RERE: variants seen among roughly 807,000 people sequenced by gnomAD.
RERE encodes arginine-glutamic acid dipeptide repeats, also known as arginine-glutamic acid dipeptide repeats protein.
In RERE, 40 loss-of-function variants were observed where a neutral mutation model predicts 146.1. The ratio of observed to expected loss-of-function variants is 0.27; its 90% CI spans 0.21 to 0.36. RERE has a LOEUF of 0.36. Ranked by LOEUF, RERE falls within the 10% of genes least tolerant of loss-of-function variation. The pLI is 1.00. For synonymous variants in RERE, 1,003 were observed against 866.0 expected, an observed-to-expected ratio of 1.16 and a Z score of -2.78; for missense variants, 1,933 against 2,138.7, an observed-to-expected ratio of 0.90 and a Z score of 1.90.
At chr1:8,779,685 C>T (rs1264552628) in intron 1 of RERE, among the ~76,000 whole-genome samples, 1 of 151,844 alleles carries the variant, frequency 6.6e-6, no homozygotes, top group African/African-American at 2.4e-5. Context: ...AGAATGTAAG[C>T]TCCATGAGAG....
At chr1:8,774,347 ATTTTTTTT>A (rs34859762) in intron 1 of RERE, among the ~76,000 whole-genome samples, 6 of 93,178 alleles carry the variant, frequency 6.4e-5, no homozygotes, top group African/African-American at 2.4e-4. Context: ...TTGGCAAACT[ATTTTTTTT>A]TTTTTTTTTT....
chr1:8,383,796 T>A (rs1161286158), intron 12 of RERE, among the ~76,000 whole-genome samples: 1 of 151,904 alleles, frequency 6.6e-6, no homozygotes, highest in African/African-American at 2.4e-5. Flanking sequence ...GAGGTGAAGG[T>A]TGCAGTGAGC....
chr1:8,581,655 G>C (rs1646367349), intron 4 of RERE, among the ~76,000 whole-genome samples: 1 of 151,938 alleles, frequency 6.6e-6, no homozygotes, highest in South Asian at 2.1e-4. Flanking sequence ...TTTCACATAG[G>C]GATTATCCAG....
intron 1 of RERE, among the ~76,000 whole-genome samples, chr1:8,742,167 A>G (rs1640322782): frequency 6.6e-6 from 1 of 152,202 alleles, no homozygotes; most frequent in African/African-American, 2.4e-5. Flanking sequence ...ATTGCACACC[A>G]TGCTTCTATG....
chr1:8,771,649 G>T (rs562557945), intron 1 of RERE, among the ~76,000 whole-genome samples: 6 of 151,900 alleles, frequency 3.9e-5, no homozygotes, highest in Non-Finnish European at 7.4e-5. Context: ...GGTGGCTCAC[G>T]CCTGTAATCC....
chr1:8,580,672 C>T lies in RERE; in HGVS notation c.523-23149G>A, dbSNP rs1359464877. Among the ~76,000 whole-genome samples, 4 of 152,218 alleles carry T rather than the reference C, an allele frequency of 2.6e-5. No homozygotes were observed. The East Asian group carries it at 7.7e-4, about 29-fold the overall frequency. On this transcript the variant is annotated intron_variant, in intron 4 of 22. Transcript: ENST00000400908. ...AAGTTCTCTCAAGCACTTTCCCAGT[C>T]AATCCTCACCCTACCCATAGAAAAC...
intron 12 of RERE, among the ~76,000 whole-genome samples, chr1:8,395,309 A>C (rs1448785373): frequency 1.3e-5 from 2 of 151,996 alleles, no homozygotes; most frequent in Non-Finnish European, 1.5e-5. Context: ...CCCCATCTCT[A>C]CTAAAAATAT....
chr1:8,489,027 C>T (rs1024673815), intron 10 of RERE, among the ~76,000 whole-genome samples: 2 of 151,938 alleles, frequency 1.3e-5, no homozygotes, highest in Admixed American at 1.3e-4. Context: ...TTCAGCATAA[C>T]TATATATTAA....
intron 1 of RERE, among the ~76,000 whole-genome samples, chr1:8,757,919 C>CACACACACACAT (rs1553145838): frequency 0.03 from 4,469 of 150,428 alleles, 176 homozygotes; most frequent in African/African-American, 0.092. Context: ...CATACACACA[C>CACACACACACAT]ACACACACAC....
chr1:8,616,155 C>G (rs1646850546), intron 3 of RERE, among the ~76,000 whole-genome samples: 1 of 152,132 alleles, frequency 6.6e-6, no homozygotes, highest in Non-Finnish European at 1.5e-5. Context: ...ATATGACTGC[C>G]CAAACCACTC....
chr1:8,369,883 G>A (rs1641966696), intron 12 of RERE, among the ~76,000 whole-genome samples: 2 of 152,004 alleles, frequency 1.3e-5, no homozygotes, highest in African/African-American at 2.4e-5. Flanking sequence ...TCCGCCTCCC[G>A]GGTTCACGCC....
In RERE at chr1:8,551,143, T is replaced by C. The variant is rs559558688; in HGVS notation, c.725+5332A>G. ...TAGGATATTTCTTTCCCCAAGTGACTCCTCCAAATAGGAAGCAGGTAATCA... is the reference window on the plus strand; with the variant it reads ...TAGGATATTTCTTTCCCCAAGTGACCCCTCCAAATAGGAAGCAGGTAATCA... On this transcript the variant is annotated intron_variant, in intron 6 of 22. Coordinates refer to ENST00000400908, the MANE Select transcript of RERE (RefSeq NM_001042681.2). 2.6e-5 allele frequency among the ~76,000 whole-genome samples: 4 copies of C among 151,734 alleles called. No homozygotes were observed. In the East Asian group the frequency reaches 7.7e-4, roughly 29 times the overall value.
chr1:8,506,676 T>C (rs530482210), intron 8 of RERE, among the ~76,000 whole-genome samples: 9 of 152,274 alleles, frequency 5.9e-5, no homozygotes, highest in Admixed American at 3.9e-4. Flanking sequence ...GGTTTAGAAA[T>C]AGACACATGA....
intron 6 of RERE, among the ~76,000 whole-genome samples, chr1:8,553,140 C>T (rs888987453): frequency 2.6e-5 from 4 of 151,466 alleles, no homozygotes; most frequent in Non-Finnish European, 4.4e-5. Flanking sequence ...TGACACCACA[C>T]AAGTAGGCCA....
chr1:8,677,066 T>C (rs1205824990), intron 1 of RERE, among the ~76,000 whole-genome samples: 1 of 152,148 alleles, frequency 6.6e-6, no homozygotes, highest in Non-Finnish European at 1.5e-5. Flanking sequence ...CCTTTGCTCA[T>C]GCGTCCTTGC....
At chr1:8,545,830 C>G (rs1363576675) in intron 6 of RERE, among the ~76,000 whole-genome samples, 2 of 150,392 alleles carry the variant, frequency 1.3e-5, no homozygotes, top group African/African-American at 4.9e-5. Flanking sequence ...ATTACAGACG[C>G]GTGCCACCAC....
chr1:8,498,213 G>C lies in RERE; in HGVS notation c.880-684C>G, dbSNP rs1645071398. Among the ~76,000 whole-genome samples the C allele has an allele frequency of 1.3e-5, 2 of 151,694 alleles. 1 individual carries two copies. Among genetic ancestry groups the C allele is most frequent in the South Asian group, 4.2e-4 (2 of 4,790 alleles). On this transcript the variant is annotated intron_variant, in intron 8 of 22. Transcript: ENST00000400908. ...GTCTCTACCAAAAATACAAAAAGTA[G>C]CCGAGCACGGTGGCGGGCGCCTATA...
At chr1:8,470,115 A>G (rs1411718320) in intron 10 of RERE, among the ~76,000 whole-genome samples, 1 of 152,072 alleles carries the variant, frequency 6.6e-6, no homozygotes, top group African/African-American at 2.4e-5. Context: ...TGGCCTCTTA[A>G]AATATCCCTA....
intron 4 of RERE, among the ~76,000 whole-genome samples, chr1:8,607,587 C>T (rs1484288042): frequency 9.4e-6 from 1 of 106,632 alleles, no homozygotes; most frequent in East Asian, 3.2e-4. Context: ...GCTCTGTCGT[C>T]GAGGCTGCAG....
Sources: allele counts gnomAD v4.1 joint callset (sites outside exome capture counted in the v4.1 genomes callset), GRCh38; gene constraint gnomAD v4.1.1; transcripts MANE v1.5; gene names NCBI Gene and HGNC (gene_info 2026-07-23, HGNC 2026-07-21).